PLPPR1: variants seen among roughly 807,000 people sequenced by gnomAD.
PLPPR1 encodes phospholipid phosphatase-related protein type 1.
A neutral mutation model predicts 33.1 loss-of-function variants in PLPPR1; 10 were observed. The observed-to-expected ratio is 0.30, with a 90% CI of 0.19 to 0.51. PLPPR1 has a LOEUF of 0.51. Ranked by LOEUF, PLPPR1 falls within the 20% of genes least tolerant of loss-of-function variation. The pLI is 0.97. For missense variants in PLPPR1, 304 were observed against 408.1 expected, an observed-to-expected ratio of 0.74 and a Z score of 2.20; for synonymous variants, 151 against 151.0, an observed-to-expected ratio of 1.00 and a Z score of 0.00.
chr9:101,231,948 A>G (rs1301101512), intron 2 of PLPPR1, among the ~76,000 whole-genome samples: 1 of 152,012 alleles, frequency 6.6e-6, no homozygotes, highest in Non-Finnish European at 1.5e-5. Context: ...CCTATTCTTG[A>G]TCATCAAATT....
At chr9:101,273,161 G>A (rs552460421) in intron 3 of PLPPR1, among the ~76,000 whole-genome samples, 28 of 152,278 alleles carry the variant, frequency 1.8e-4, no homozygotes, top group African/African-American at 6.3e-4. Context: ...TCTTCTGTAA[G>A]AGAATCTGAC....
rs936444993 is a variant in PLPPR1, at chr9:101,286,145, A to G, written c.294A>G (p.Thr98=). Residue 98 remains threonine (T), a synonymous_variant, in exon 4 of 8, where the codon ACA becomes ACG. Coordinates refer to ENST00000374874, the MANE Select transcript of PLPPR1 (RefSeq NM_207299.2). ...GEISMYFIKS[T]RESLIAQEKT... Reference sequence around the variant, plus strand: ...TATCCATGTATTTCATAAAATCAACAAGAGAATCCCTGATTGCTCAGGAGA... The same window carrying G: ...TATCCATGTATTTCATAAAATCAACGAGAGAATCCCTGATTGCTCAGGAGA... 6.2e-6 allele frequency: 10 copies of G among 1,613,024 alleles called. No homozygotes were observed. The highest frequency in any genetic ancestry group is 1.7e-4 in the Middle Eastern group (1 of 6,060).
chr9:101,166,349 T>C (rs1281256168), intron 1 of PLPPR1, among the ~76,000 whole-genome samples: 3 of 152,234 alleles, frequency 2.0e-5, no homozygotes, highest in African/African-American at 7.2e-5. Flanking sequence ...TTATAGGCTC[T>C]GGGGAGACAT....
chr9:101,039,281 A>G (rs866780473), intron 1 of PLPPR1, among the ~76,000 whole-genome samples: 2 of 152,030 alleles, frequency 1.3e-5, no homozygotes, highest in South Asian at 2.1e-4. Context: ...CCAATTCCTT[A>G]CTCTTATGAA....
intron 2 of PLPPR1, among the ~76,000 whole-genome samples, chr9:101,216,875 C>G (rs927608872): frequency 6.6e-6 from 1 of 152,014 alleles, no homozygotes; most frequent in Non-Finnish European, 1.5e-5. Flanking sequence ...GAAAATTTAC[C>G]CCTGGTTGAG....
intron 7 of PLPPR1, among the ~76,000 whole-genome samples, chr9:101,318,695 G>A (rs1332638031): frequency 3.3e-5 from 5 of 152,128 alleles, no homozygotes. Flanking sequence ...GAGTGTTTGA[G>A]CCTGGGAGAT....
chr9:101,058,403 A>G (rs1245147263), intron 1 of PLPPR1, among the ~76,000 whole-genome samples: 1 of 152,132 alleles, frequency 6.6e-6, no homozygotes, highest in Non-Finnish European at 1.5e-5. Context: ...CTGCCTGAAC[A>G]GATGGGGCAG....
chr9:101,079,590 T>A (rs969851127), intron 1 of PLPPR1, among the ~76,000 whole-genome samples: 1 of 152,052 alleles, frequency 6.6e-6, no homozygotes, highest in Non-Finnish European at 1.5e-5. Context: ...TGCCTTTTTT[T>A]TTTTTTTGAG....
intron 1 of PLPPR1, among the ~76,000 whole-genome samples, chr9:101,176,230 AAG>A (rs1163733270): frequency 1.3e-5 from 2 of 152,190 alleles, no homozygotes; most frequent in Non-Finnish European, 2.9e-5. Flanking sequence ...ACCTACTAGA[AAG>A]ATTGAATTAA....
At chr9:101,220,572 C>A (rs1826910657) in intron 2 of PLPPR1, among the ~76,000 whole-genome samples, 1 of 152,164 alleles carries the variant, frequency 6.6e-6, no homozygotes, top group Non-Finnish European at 1.5e-5. Context: ...AATTTAATTT[C>A]TTAGCTCCCT....
At chr9:101,190,266 G>A (rs1221745213) in intron 2 of PLPPR1, among the ~76,000 whole-genome samples, 3 of 152,116 alleles carry the variant, frequency 2.0e-5, no homozygotes, top group African/African-American at 7.2e-5. Context: ...ATGTTTTCAT[G>A]CCATTTTTGT....
intron 1 of PLPPR1, among the ~76,000 whole-genome samples, chr9:101,179,345 T>C (rs1826065137): frequency 6.6e-6 from 1 of 152,076 alleles, no homozygotes; most frequent in Admixed American, 6.6e-5. Flanking sequence ...ATAGAATGGG[T>C]AGTAGAAGAA....
chr9:101,079,240 T>A (rs74405846), intron 1 of PLPPR1, among the ~76,000 whole-genome samples: 495 of 152,292 alleles, frequency 3.3e-3, no homozygotes, highest in Non-Finnish European at 5.2e-3. Flanking sequence ...TGCATACATT[T>A]TATTCTGCCA....
intron 2 of PLPPR1, among the ~76,000 whole-genome samples, chr9:101,241,271 G>A (rs1827459682): frequency 6.6e-6 from 1 of 151,976 alleles, no homozygotes; most frequent in African/African-American, 2.4e-5. Flanking sequence ...AGTTGTTCTA[G>A]GGCAAAGATT....
intron 2 of PLPPR1, among the ~76,000 whole-genome samples, chr9:101,201,230 C>T (rs1826486594): frequency 6.6e-6 from 1 of 152,172 alleles, no homozygotes; most frequent in Admixed American, 6.5e-5. Context: ...AGTCTAATCA[C>T]CTTTTAAAGA....
In PLPPR1 at chr9:101,153,747, T is replaced by C. The variant is rs147892461; in HGVS notation, c.-45-31703T>C. Among the ~76,000 whole-genome samples, 307 of 110,432 alleles carry C rather than the reference T, an allele frequency of 2.8e-3. 6 individuals are homozygous for C. In the East Asian group the frequency reaches 0.055, roughly 20 times the overall value. The allele number at this position is 110,432 out of a possible 152,430, so 72.4% of individuals were successfully genotyped here. A position where few individuals can be genotyped will look rare whatever the true frequency, so the allele number is the denominator to read the frequency against. On this transcript the variant is annotated intron_variant, in intron 1 of 7. Transcript: ENST00000374874. ...CTGCCACCATGCCTGGCTATTTTTTTTGTATTTTTTTTTTTTTAGTAGAGA... is the reference window on the plus strand; with the variant it reads ...CTGCCACCATGCCTGGCTATTTTTTCTGTATTTTTTTTTTTTTAGTAGAGA...
intron 1 of PLPPR1, among the ~76,000 whole-genome samples, chr9:101,029,632 G>GGT (rs1269072955): frequency 6.6e-6 from 1 of 152,188 alleles, no homozygotes; most frequent in Non-Finnish European, 1.5e-5. Flanking sequence ...CGCATAGTGG[G>GGT]GTGTGTGTGT....
At chr9:101,032,766 C>A (rs1015948322) in intron 1 of PLPPR1, among the ~76,000 whole-genome samples, 1 of 152,070 alleles carries the variant, frequency 6.6e-6, no homozygotes. Context: ...AAGGAGGCCA[C>A]AAATCAAAAC....
intron 2 of PLPPR1, among the ~76,000 whole-genome samples, chr9:101,218,751 A>G (rs1462375129): frequency 6.6e-6 from 1 of 152,216 alleles, no homozygotes; most frequent in Non-Finnish European, 1.5e-5. Flanking sequence ...TTAAAATGTA[A>G]TGATTAAGAC....
Sources: allele counts gnomAD v4.1 joint callset (sites outside exome capture counted in the v4.1 genomes callset), GRCh38; gene constraint gnomAD v4.1.1; transcripts MANE v1.5; gene names NCBI Gene and HGNC (gene_info 2026-07-23, HGNC 2026-07-21).